NLRP2: variants seen among roughly 807,000 people sequenced by gnomAD.
NLRP2 encodes NLR family pyrin domain containing 2, also known as NACHT, LRR and PYD domains-containing protein 2.
A neutral mutation model predicts 97.2 loss-of-function variants in NLRP2; 107 were observed. The observed-to-expected ratio is 1.10, with a 90% confidence interval of 0.94 to 1.29. The LOEUF (loss-of-function observed/expected upper bound fraction) is 1.29. Ranked by LOEUF, NLRP2 falls within the 50% of genes most tolerant of loss-of-function variation. The pLI is 0.00. For missense variants in NLRP2, 1,495 were observed against 1,330.3 expected, an observed-to-expected ratio of 1.12 and a Z score of -1.93; for synonymous variants, 663 against 551.5, an observed-to-expected ratio of 1.20 and a Z score of -2.83.
intron 1 of NLRP2, among the ~76,000 whole-genome samples, chr19:54,969,477 CAAAAAAAAA>C (rs757668995): frequency 1.1e-5 from 1 of 94,620 alleles, no homozygotes; most frequent in Admixed American, 1.1e-4. Context: ...GACTCCGTCT[CAAAAAAAAA>C]AAAAAAAAAA....
intron 10 of NLRP2, chr19:54,993,526 C>CTGG (rs1469388478): frequency 6.5e-6 from 1 of 154,096 alleles, no homozygotes; most frequent in Non-Finnish European, 1.4e-5. Flanking sequence ...GGAGTGTGAG[C>CTGG]TGGTGTCTTC....
At position 54,990,797 on chromosome 19, in the gene NLRP2, C is replaced by G. The variant is rs1184868496; in HGVS notation, c.2708+125C>G. ...AAAGTTCCAAGCATGATGCTAATGA[C>G]AACTGGTAAGACCTGGGTAGATGAT... On this transcript the variant is annotated intron_variant, in intron 10 of 12. Coordinates refer to ENST00000448584, the MANE Select transcript of NLRP2 (RefSeq NM_017852.5). The G allele has an allele frequency of 1.9e-5, 19 of 977,308 alleles. No individual in the cohort carries two copies. The East Asian group carries it at 4.8e-4, about 25-fold the overall frequency. 60.5% of individuals were successfully genotyped at this position (977,308 alleles called of 1,614,324 possible). A position where few individuals can be genotyped will look rare whatever the true frequency, so the allele number is the denominator to read the frequency against.
chr19:54,985,162 G>A lies in NLRP2; in HGVS notation c.2146G>A (p.Val716Ile), dbSNP rs1239219069. Residue 716 changes from valine (V) to isoleucine (I), a missense_variant, in exon 7 of 13, where the codon GTA (valine) becomes ATA (isoleucine). Val to Ile is a conservative substitution (Grantham distance 29). Transcript: ENST00000448584. ...TGATAGCTTTCTCAGTGCCTCCCTA[G>A]TAAGGATCCTGTGTGAACAAATAGC... is the stretch of plus-strand genomic sequence containing the variant. Reference protein sequence around the residue: ...INDSFLSASLVRILCEQIASD... With the variant: ...INDSFLSASLIRILCEQIASD... The A allele has an allele frequency of 5.0e-6, 8 of 1,613,968 alleles. No homozygotes were observed. Among genetic ancestry groups the A allele is most frequent in the African/African-American group, 2.7e-5 (2 of 74,918 alleles).
At chr19:54,966,156 T>A (rs1053231246), upstream of NLRP2, 1 of 151,682 alleles carries the variant, frequency 6.6e-6, no homozygotes, top group South Asian at 2.1e-4. Context: ...GTCTGGGCAG[T>A]CCCAGTGTAA....
Position 54,976,995 on chromosome 19 carries a change from A to G in NLRP2, c.326-757A>G, listed in dbSNP as rs1047526828. The G allele has an allele frequency of 6.1e-5, 21 of 344,010 alleles. No homozygotes were observed. The Admixed American group carries it at 8.0e-4, about 13-fold the overall frequency. 21.3% of individuals were successfully genotyped at this position (344,010 alleles called of 1,614,324 possible). ...CCATGCCCGGCTAATTTTTTGTTTT[A>G]GTAGAGACGGGGCTTCACCATGTTG... On this transcript the variant is annotated intron_variant, in intron 3 of 12. Transcript: ENST00000448584.
intron 10 of NLRP2, chr19:54,990,887 A>G: frequency 3.4e-6 from 2 of 596,568 alleles, no homozygotes; most frequent in South Asian, 4.1e-5. Context: ...TGGGGAATGT[A>G]GCTGGTTTTC....
At position 54,970,277 on chromosome 19, in the gene NLRP2, G is replaced by A; in HGVS notation, c.262G>A (p.Ala88Thr). Residue 88 changes from alanine to threonine, a missense_variant, in exon 2 of 13, where the codon GCA becomes ACA. Coordinates refer to ENST00000448584, the MANE Select transcript of NLRP2 (RefSeq NM_017852.5). ...GCACCGAATGGATCTGTCTGAGAGA[G>A]CAAAGGATGAAGTCAGAGGTGAGTG... ...KMHRMDLSER[A>T]KDEVREAALK... 4 of 1,614,170 alleles carry A rather than the reference G, an allele frequency of 2.5e-6. No individual in the cohort carries two copies. Among genetic ancestry groups the A allele is most frequent in the Non-Finnish European group, 3.4e-6 (4 of 1,180,022 alleles).
chr19:54,984,646 C>G (rs766151760), intron 6 of NLRP2, among the ~76,000 whole-genome samples: 7 of 151,190 alleles, frequency 4.6e-5, no homozygotes, highest in Non-Finnish European at 8.8e-5. Context: ...CCATGCCCAG[C>G]TAATTTTTGT....
At chr19:54,974,761 G>A (rs2071090094) in intron 3 of NLRP2, among the ~76,000 whole-genome samples, 1 of 152,112 alleles carries the variant, frequency 6.6e-6, no homozygotes, top group South Asian at 2.1e-4. Context: ...TACATACAAA[G>A]CGGGGAAGGG....
rs763533364 is a variant in NLRP2, at chr19:54,982,908, G to A, written c.1210G>A (p.Val404Met). ...CTCGGCCCCCGCGGTGTGCTGGATC[G>A]TGTGCACGACTCTGAAGCTGCAGAT... ...LGSAPAVCWI[V>M]CTTLKLQMEK... The change falls in exon 6 of 13, where the codon GTG becomes ATG. Residue 404 changes from valine to methionine, a missense_variant. By Grantham distance (21) the Val-to-Met change is conservative. Coordinates refer to ENST00000448584, the MANE Select transcript of NLRP2 (RefSeq NM_017852.5). The A allele has an allele frequency of 1.8e-5, 29 of 1,613,008 alleles. No homozygotes were observed. Among genetic ancestry groups the A allele is most frequent in the Admixed American group, 6.7e-5 (4 of 59,996 alleles).
intron 12 of NLRP2, among the ~76,000 whole-genome samples, chr19:54,999,981 C>T (rs1031895347): frequency 2.0e-5 from 3 of 152,090 alleles, no homozygotes; most frequent in Non-Finnish European, 4.4e-5. Context: ...AAGTGATCTG[C>T]CCACCTCACT....
intron 4 of NLRP2, 91 bp from the exon 5 acceptor site, chr19:54,981,526 C>CCCCCCCCCCCCT: frequency 1.8e-6 from 1 of 541,836 alleles, no homozygotes; most frequent in South Asian, 1.6e-5. Context: ...CTCCCCCCCG[C>CCCCCCCCCCCCT]CCCATCAGCC....
At chr19:54,994,553 T>G in intron 11 of NLRP2, 114 bp downstream of exon 11, 2 of 1,071,578 alleles carry the variant, frequency 1.9e-6, no homozygotes, top group East Asian at 2.4e-5. Flanking sequence ...AGGACCTTTA[T>G]AGAGTCGATC....
intron 2 of NLRP2, among the ~76,000 whole-genome samples, chr19:54,973,325 T>A (rs1368146453): frequency 6.6e-6 from 1 of 150,710 alleles, no homozygotes; most frequent in Admixed American, 6.7e-5. Flanking sequence ...ATGTTTCCTG[T>A]CTTTAACAAT....
intron 3 of NLRP2, chr19:54,977,023 C>G (rs367917873): frequency 3.0e-6 from 1 of 328,952 alleles, no homozygotes; most frequent in Admixed American, 4.3e-5. Context: ...CCATGTTGGC[C>G]GGGATGGTCT....
In NLRP2 at chr19:55,000,791, A is replaced by C; in HGVS notation, c.3082A>C (p.Asn1028His). The C allele has an allele frequency of 6.2e-7, 1 of 1,613,690 alleles. No individual in the cohort carries two copies. The highest frequency in any genetic ancestry group is 8.5e-7 in the Non-Finnish European group (1 of 1,179,710). The change falls in exon 13 of 13, where the codon AAT becomes CAT. Residue 1028 changes from asparagine (N) to histidine (H), a missense_variant. Asn to His is a moderately conservative substitution (Grantham distance 68). Coordinates refer to ENST00000448584, the MANE Select transcript of NLRP2 (RefSeq NM_017852.5). Reference sequence around the variant, plus strand: ...AATCGATGACTTTAATGATGAACTCAATAAGCTGCTGGAAGAAATAGAAGA... The same window carrying C: ...AATCGATGACTTTAATGATGAACTCCATAAGCTGCTGGAAGAAATAGAAGA... ...LKIDDFNDEL[N>H]KLLEEIEEKN...
chr19:54,992,498 T>TTG (rs994495891), intron 10 of NLRP2, among the ~76,000 whole-genome samples: 97 of 141,180 alleles, frequency 6.9e-4, no homozygotes, highest in African/African-American at 1.8e-3. Context: ...GTTTTTTTGG[T>TTG]TGTGTGTGTG....
chr19:54,988,710 G>C (rs532122010), intron 8 of NLRP2, among the ~76,000 whole-genome samples: 48 of 152,248 alleles, frequency 3.2e-4, no homozygotes, highest in Admixed American at 2.7e-3. Context: ...AGGAGAAATG[G>C]GGTTTCATCA....
intron 8 of NLRP2, among the ~76,000 whole-genome samples, chr19:54,987,843 C>G (rs538890197): frequency 2.0e-5 from 3 of 151,992 alleles, no homozygotes; most frequent in East Asian, 3.9e-4. Context: ...GAGTTCAAGA[C>G]CAGCCTGGCC....
Sources: gnomAD v4.1 joint callset for allele counts (sites outside exome capture counted in the v4.1 genomes callset) on GRCh38, gnomAD v4.1.1 for gene constraint, MANE v1.5 for transcripts, NCBI Gene and HGNC (gene_info 2026-07-23, HGNC 2026-07-21) for gene names.